NOL4L: variants seen among roughly 807,000 people sequenced by gnomAD.
The protein encoded by NOL4L is nucleolar protein 4 like.
In NOL4L, 7 loss-of-function variants were observed where a neutral mutation model predicts 64.5. That is an observed-to-expected ratio of 0.11 (90% confidence interval 0.06 to 0.20). NOL4L has a LOEUF of 0.20. Among genes scored for constraint, NOL4L ranks in the 10% least tolerant of loss-of-function variants. The pLI, the probability that NOL4L is intolerant of heterozygous loss-of-function variation, is 1.00. For missense variants in NOL4L, 680 were observed against 967.1 expected, an observed-to-expected ratio of 0.70 and a Z score of 3.94; for synonymous variants, 413 against 401.0, an observed-to-expected ratio of 1.03 and a Z score of -0.36.
chr20:32,444,747 C>G lies in NOL4L; in HGVS notation c.*2849G>C, dbSNP rs2012258822. On this transcript the variant is annotated 3_prime_UTR_variant, in exon 11 of 11. Transcript: ENST00000621426. ...TTGCATTTCCTTTTTAACTTAGGAT[C>G]CCAAATGATCACTTTGTGCCCTGAG... 1 of 152,188 alleles carries G rather than the reference C, an allele frequency of 6.6e-6. No homozygotes were observed. The highest frequency in any genetic ancestry group is 2.4e-5 in the African/African-American group (1 of 41,430). The allele number at this position is 152,188 out of a possible 1,614,324, so 9.4% of individuals were successfully genotyped here. A position where few individuals can be genotyped will look rare whatever the true frequency, so the allele number is the denominator to read the frequency against.
intron 3 of NOL4L, among the ~76,000 whole-genome samples, chr20:32,514,573 T>C (rs534495201): frequency 1.3e-5 from 2 of 152,068 alleles, no homozygotes; most frequent in South Asian, 4.2e-4. Flanking sequence ...CCTCCTTTTT[T>C]TAAGAGAGAC....
At chr20:32,494,349 G>A (rs1173994793) in intron 4 of NOL4L, among the ~76,000 whole-genome samples, 1 of 149,822 alleles carries the variant, frequency 6.7e-6, no homozygotes, top group African/African-American at 2.5e-5. Context: ...CAGTTTCCCT[G>A]TGTGCTGAGG....
intron 1 of NOL4L, among the ~76,000 whole-genome samples, chr20:32,568,213 C>G (rs577731211): frequency 6.6e-6 from 1 of 152,222 alleles, no homozygotes; most frequent in African/African-American, 2.4e-5. Context: ...ATGTAGCATC[C>G]GTTCCCCACA....
At chr20:32,494,068 C>A (rs2016570158) in intron 4 of NOL4L, among the ~76,000 whole-genome samples, 1 of 152,036 alleles carries the variant, frequency 6.6e-6, no homozygotes, top group African/African-American at 2.4e-5. Context: ...GTCTGACCAA[C>A]ATGGTGAAAC....
Position 32,488,795 on chromosome 20 carries a change from CTTTCTTTCTTTT to C in NOL4L, c.700-14065_700-14054del, listed in dbSNP as rs2016251860. Among the ~76,000 whole-genome samples the C allele has an allele frequency of 4.9e-4, 23 of 47,066 alleles. 1 individual carries two copies. The highest frequency in any genetic ancestry group is 7.3e-4 in the Non-Finnish European group (21 of 28,734). 30.9% of individuals were successfully genotyped at this position (47,066 alleles called of 152,430 possible). A position where few individuals can be genotyped will look rare whatever the true frequency, so the allele number is the denominator to read the frequency against. On this transcript the variant is annotated intron_variant, in intron 4 of 10. Transcript: ENST00000621426. Reference sequence around the variant, plus strand: ...CCTTCCTTCCTTCCTTCCTTCCTTTCTTTCTTTCTTTTTCTTTCTTTCTTTCTTTCTTTTTCT... The same window carrying C: ...CCTTCCTTCCTTCCTTCCTTCCTTTCTCTTTCTTTCTTTCTTTCTTTTTCT...
intron 1 of NOL4L, among the ~76,000 whole-genome samples, chr20:32,582,653 C>T (rs1206525060): frequency 1.5e-5 from 2 of 130,110 alleles, no homozygotes; most frequent in Admixed American, 1.0e-4. Flanking sequence ...AAGGTTGGGC[C>T]AAGGCTTCCA....
intron 3 of NOL4L, 96 bp from the exon 4 acceptor site, chr20:32,511,552 C>T (rs948141138): frequency 2.2e-5 from 18 of 804,306 alleles, no homozygotes; most frequent in Non-Finnish European, 3.4e-5. Context: ...GAGGAAGCCA[C>T]CTTGGAGGAG....
chr20:32,483,280 G>C (rs1262319987), intron 4 of NOL4L: 2 of 852,126 alleles, frequency 2.3e-6, no homozygotes, highest in Admixed American at 6.2e-5. Flanking sequence ...CTCAACGGCC[G>C]GCGGCAGCAG....
Position 32,463,963 on chromosome 20 carries a change from T to C in NOL4L, c.842-7568A>G, listed in dbSNP as rs2014320386. On this transcript the variant is annotated intron_variant, in intron 5 of 10. Transcript: ENST00000621426. This position sits in a 1 kb window ranked among gnomAD's most constrained non-coding sequence, Gnocchi z 5.8. ...GCAGACTGCCTTCCGTGTCCAGAGG[T>C]GTGGCTGCTGGAGGCAGTGCCGCCT... is the stretch of plus-strand genomic sequence containing the variant. 6.6e-6 allele frequency among the ~76,000 whole-genome samples: 1 copy of C among 151,840 alleles called. No individual in the cohort carries two copies. Among genetic ancestry groups the C allele is most frequent in the Non-Finnish European group, 1.5e-5 (1 of 67,966 alleles).
At position 32,460,315 on chromosome 20, in the gene NOL4L, A is replaced by G. The variant is rs1050643826; in HGVS notation, c.842-3920T>C. Among the ~76,000 whole-genome samples the G allele has an allele frequency of 6.6e-6, 1 of 152,190 alleles. No homozygotes were observed. The highest frequency in any genetic ancestry group is 1.5e-5 in the Non-Finnish European group (1 of 68,026). ...ACACACAGAGCCTACTCAGAGGGAC[A>G]ACATGGATCGCGAAAGCCTGCCTTC... On this transcript the variant is annotated intron_variant, in intron 5 of 10. Transcript: ENST00000621426. This position sits in a 1 kb window ranked among gnomAD's most constrained non-coding sequence, Gnocchi z 5.7.
chr20:32,471,236 C>T (rs973813878), intron 5 of NOL4L, among the ~76,000 whole-genome samples: 4 of 151,136 alleles, frequency 2.6e-5, no homozygotes, highest in South Asian at 2.1e-4. Context: ...ACACTCACCC[C>T]GGTAGAGGCT....
intron 5 of NOL4L, among the ~76,000 whole-genome samples, chr20:32,466,922 G>A: frequency 6.6e-6 from 1 of 152,204 alleles, no homozygotes; most frequent in East Asian, 1.9e-4. Context: ...GCAGGCCGGA[G>A]TTCTGTGCCT....
intron 1 of NOL4L, among the ~76,000 whole-genome samples, chr20:32,555,068 T>C (rs2145607968): frequency 6.6e-6 from 1 of 152,260 alleles, no homozygotes; most frequent in South Asian, 2.1e-4. Context: ...ACCCTGACCA[T>C]GCTGGCTTCC....
chr20:32,583,578 G>A (rs1482067555), intron 1 of NOL4L, among the ~76,000 whole-genome samples: 1 of 150,150 alleles, frequency 6.7e-6, no homozygotes, highest in Admixed American at 6.6e-5. Context: ...CGGGCCGGGG[G>A]CGGAACGCAC....
chr20:32,487,047 T>A (rs1222749716), intron 4 of NOL4L, among the ~76,000 whole-genome samples: 1 of 152,082 alleles, frequency 6.6e-6, no homozygotes, highest in Non-Finnish European at 1.5e-5. Context: ...GGCGGGTGGA[T>A]CACCTGAGGT....
At chr20:32,584,102 C>G (rs1013776146) in intron 1 of NOL4L, among the ~76,000 whole-genome samples, 22 of 141,508 alleles carry the variant, frequency 1.6e-4, no homozygotes, top group African/African-American at 4.6e-4. Context: ...CCCTCCCCCC[C>G]CCCCACCCCG....
chr20:32,500,984 T>C (rs770194316), intron 4 of NOL4L, among the ~76,000 whole-genome samples: 3 of 152,278 alleles, frequency 2.0e-5, no homozygotes, highest in East Asian at 1.9e-4. Context: ...ATCTAAATAA[T>C]TTACGTTGAT....
intron 4 of NOL4L, among the ~76,000 whole-genome samples, chr20:32,490,802 G>T (rs536254902): frequency 3.9e-5 from 6 of 152,304 alleles, no homozygotes; most frequent in South Asian, 4.1e-4. Flanking sequence ...AGTTAATTCT[G>T]GTCATGTCGC....
chr20:32,513,537 T>C (rs1337180697), intron 3 of NOL4L, among the ~76,000 whole-genome samples: 1 of 152,166 alleles, frequency 6.6e-6, no homozygotes, highest in Admixed American at 6.5e-5. Context: ...GTGGTGATGA[T>C]TGCTCAACAG....
Sources: gnomAD v4.1 joint callset for allele counts (sites outside exome capture counted in the v4.1 genomes callset) on GRCh38, gnomAD v4.1.1 for gene constraint, Gnocchi (gnomAD v3.1) non-coding constraint, MANE v1.5 for transcripts, NCBI Gene and HGNC (gene_info 2026-07-23, HGNC 2026-07-21) for gene names.